Variants in TPST2 observed in about 807,000 individuals in gnomAD.
TPST2 encodes tyrosylprotein sulfotransferase 2.
TPST2 carries 16 observed loss-of-function variants against 27.8 expected under a neutral mutation model. The observed-to-expected ratio is 0.58, with a 90% CI of 0.39 to 0.88. The LOEUF is 0.88. TPST2 is among the 40% of genes least tolerant of loss of function. The pLI is 0.00. For synonymous variants in TPST2, 229 were observed against 231.7 expected, an observed-to-expected ratio of 0.99 and a Z score of 0.10; for missense variants, 464 against 543.1, an observed-to-expected ratio of 0.85 and a Z score of 1.45.
chr22:26,556,343 A>G (rs1023428720), intron 1 of TPST2, among the ~76,000 whole-genome samples: 1 of 152,152 alleles, frequency 6.6e-6, no homozygotes, highest in Non-Finnish European at 1.5e-5. Context: ...GTTCAAGACC[A>G]GCCTGGCCAA....
intron 1 of TPST2, among the ~76,000 whole-genome samples, chr22:26,566,296 T>C (rs535864751): frequency 3.9e-5 from 6 of 152,232 alleles, no homozygotes; most frequent in Non-Finnish European, 7.4e-5. Flanking sequence ...CTCACGCCTG[T>C]AATCCCAGCA....
chr22:26,533,973 C>A (rs1925309941), intron 4 of TPST2, among the ~76,000 whole-genome samples: 1 of 152,106 alleles, frequency 6.6e-6, no homozygotes, highest in Non-Finnish European at 1.5e-5. Flanking sequence ...TCATGTCCAG[C>A]CTATGTAAAA....
rs1309654379 is a variant in TPST2 at position 26,541,829 on chromosome 22, G to A, written c.-88-111C>T. The stretch of plus-strand genomic sequence containing the variant: ...AAGAGGCTGCTGACATGAATGCAGA[G>A]GGCACCTTTCATAAGCACTAGCTGT... On this transcript the variant is annotated intron_variant, in intron 2 of 6. Transcript: ENST00000338754. This position sits in a 1 kb window ranked among gnomAD's most constrained non-coding sequence, Gnocchi z 5.9. 2 of 1,078,990 alleles carry A rather than the reference G, an allele frequency of 1.9e-6. No individual in the cohort carries two copies. The highest frequency in any genetic ancestry group is 2.5e-6 in the Non-Finnish European group (2 of 788,024). 66.8% of individuals were successfully genotyped at this position (1,078,990 alleles called of 1,614,324 possible). A position where few individuals can be genotyped will look rare whatever the true frequency, so the allele number is the denominator to read the frequency against.
chr22:26,549,579 C>T (rs1249151298), intron 1 of TPST2, among the ~76,000 whole-genome samples: 1 of 144,506 alleles, frequency 6.9e-6, no homozygotes. Context: ...ATCGCTTGAA[C>T]CTGGGAGGCA....
Position 26,532,735 on chromosome 22 carries a change from C to G in TPST2, c.1052G>C (p.Gly351Ala), listed in dbSNP as rs879146068. 6.2e-7 allele frequency: 1 copy of G among 1,613,654 alleles called. No homozygotes were observed. The highest frequency in any genetic ancestry group is 2.2e-5 in the East Asian group (1 of 44,880). The change falls in exon 5 of 7, where the codon GGG becomes GCG. Residue 351 changes from glycine (G) to alanine (A), a missense_variant. Gly to Ala is a moderately conservative substitution (Grantham distance 60). Coordinates refer to ENST00000338754, the MANE Select transcript of TPST2 (RefSeq NM_003595.5). Reference protein sequence around the residue: ...VINNTQRVLKGDYKTPANLKG... With the variant: ...VINNTQRVLKADYKTPANLKG... ...CAGATTGGCTGGTGTTTTATAGTCC[C>G]CTTTCAAGACCTAAGGAAGAGAAAA...
intron 1 of TPST2, among the ~76,000 whole-genome samples, chr22:26,565,913 G>C (rs984147229): frequency 6.6e-6 from 1 of 151,998 alleles, no homozygotes. Context: ...TCTGTACAGA[G>C]ATTTCATAAA....
chr22:26,577,799 C>T (rs1037157321), intron 1 of TPST2, among the ~76,000 whole-genome samples: 2 of 151,778 alleles, frequency 1.3e-5, no homozygotes, highest in African/African-American at 4.8e-5. Context: ...GCTGGGATTA[C>T]AGGCTTGAGC....
chr22:26,562,702 C>T (rs7292642), intron 1 of TPST2, among the ~76,000 whole-genome samples: 58,683 of 151,054 alleles, frequency 0.39, 11,629 homozygotes, highest in East Asian at 0.52. Flanking sequence ...CAGCTCACTG[C>T]AACCTCCGCC....
chr22:26,563,669 G>GA (rs1392564795), intron 1 of TPST2, among the ~76,000 whole-genome samples: 2 of 152,122 alleles, frequency 1.3e-5, no homozygotes, highest in African/African-American at 4.8e-5. Flanking sequence ...ATCCCAGCAG[G>GA]AACAACACAC....
intron 1 of TPST2, among the ~76,000 whole-genome samples, chr22:26,556,410 G>A (rs1192940188): frequency 6.6e-6 from 1 of 152,106 alleles, no homozygotes; most frequent in Non-Finnish European, 1.5e-5. Context: ...CGTGGTGGCA[G>A]CCACCTGTAA....
intron 6 of TPST2, 92 bp downstream of exon 6, chr22:26,528,122 G>C: frequency 1.4e-6 from 2 of 1,453,808 alleles, no homozygotes; most frequent in Non-Finnish European, 1.9e-6. Flanking sequence ...CCCCAGGGAG[G>C]CTCTGGAAGG....
intron 4 of TPST2, chr22:26,536,085 C>A: frequency 1.4e-6 from 1 of 732,446 alleles, no homozygotes. Context: ...AGACAGGCTA[C>A]CAGTTGGCTT....
In TPST2 at chr22:26,549,021, T is replaced by C. The variant is rs535799521; in HGVS notation, c.-160-4346A>G. 1.2e-4 allele frequency among the ~76,000 whole-genome samples: 19 copies of C among 152,208 alleles called. No homozygotes were observed. In the South Asian group the frequency reaches 2.5e-3, roughly 20 times the overall value. ...CCTTTCTAGTCCCAAGAATTTCAGA[T>C]AAAGGGATACGCAGCCTGTAACACC... On this transcript the variant is annotated intron_variant, in intron 1 of 6. Coordinates refer to ENST00000338754, the MANE Select transcript of TPST2 (RefSeq NM_003595.5).
At chr22:26,573,832 G>A (rs1175253872) in intron 1 of TPST2, among the ~76,000 whole-genome samples, 4 of 152,150 alleles carry the variant, frequency 2.6e-5, no homozygotes, top group Admixed American at 6.5e-5. Context: ...TGCATACTAC[G>A]AATCCGGTTT....
At chr22:26,527,897 T>G (rs539478050) in intron 6 of TPST2, among the ~76,000 whole-genome samples, 12 of 152,300 alleles carry the variant, frequency 7.9e-5, no homozygotes, top group African/African-American at 2.6e-4. Flanking sequence ...GCAAAAATGG[T>G]TCCAGAATCT....
rs1008243349 is a variant in TPST2, at chr22:26,557,109, C to T, written c.-160-12434G>A. 1.2e-4 allele frequency among the ~76,000 whole-genome samples: 18 copies of T among 152,232 alleles called. No individual in the cohort carries two copies. In the East Asian group the frequency reaches 1.7e-3, roughly 15 times the overall value. On this transcript the variant is annotated intron_variant, in intron 1 of 6. Transcript: ENST00000338754. ...ATAAAAGAACCATGGCTCCTCTCCACGCTGGCATCACACACTGGCATGTGA... is the reference window on the plus strand; with the variant it reads ...ATAAAAGAACCATGGCTCCTCTCCATGCTGGCATCACACACTGGCATGTGA...
At chr22:26,534,760 A>G (rs1173367312) in intron 4 of TPST2, among the ~76,000 whole-genome samples, 2 of 152,234 alleles carry the variant, frequency 1.3e-5, no homozygotes, top group Non-Finnish European at 2.9e-5. Context: ...CAGTTAATTA[A>G]TTTTTTATTT....
At chr22:26,559,577 A>T (rs1813768444) in intron 1 of TPST2, among the ~76,000 whole-genome samples, 1 of 152,168 alleles carries the variant, frequency 6.6e-6, no homozygotes, top group South Asian at 2.1e-4. Context: ...CAGCCCCAGG[A>T]GACCACTACT....
intron 1 of TPST2, among the ~76,000 whole-genome samples, chr22:26,552,420 G>A (rs192813979): frequency 1.6e-3 from 239 of 152,258 alleles, no homozygotes; most frequent in Non-Finnish European, 2.4e-3. Context: ...GGCTTAGAGC[G>A]GTGAAATGCT....
Sources: gnomAD v4.1 joint callset for allele counts (sites outside exome capture counted in the v4.1 genomes callset) on GRCh38, gnomAD v4.1.1 for gene constraint, Gnocchi (gnomAD v3.1) non-coding constraint, MANE v1.5 for transcripts, NCBI Gene and HGNC (gene_info 2026-07-23, HGNC 2026-07-21) for gene names.